The following ACYP2 variants were observed in gnomAD, a reference collection of about 807,000 sequenced individuals.
ACYP2 encodes the protein acylphosphatase 2.
In ACYP2, 12 loss-of-function variants were observed where a neutral mutation model predicts 11.2. That is an observed-to-expected ratio of 1.08 (90% CI 0.69 to 1.74). ACYP2 has a LOEUF of 1.74. Ranked by LOEUF, ACYP2 falls within the 40% of genes most tolerant of loss-of-function variation. The pLI is 0.00. For synonymous variants in ACYP2, 43 were observed against 32.2 expected (o/e 1.33, Z -1.13); for missense variants, 134 against 101.9 (o/e 1.31, Z -1.35).
intron 4 of ACYP2, among the ~76,000 whole-genome samples, chr2:54,129,496 T>C (rs1255744717): frequency 6.6e-6 from 1 of 152,004 alleles, no homozygotes; most frequent in Non-Finnish European, 1.5e-5. Flanking sequence ...AAGATTATGA[T>C]TGGCACTAAT....
intron 6 of ACYP2, among the ~76,000 whole-genome samples, chr2:54,209,168 G>C (rs1215149): frequency 0.24 from 35,757 of 151,594 alleles, 4,541 homozygotes; most frequent in South Asian, 0.38. Flanking sequence ...TTTCATTTTT[G>C]TGACCTATTG....
intron 4 of ACYP2, among the ~76,000 whole-genome samples, chr2:54,057,691 G>GTA (rs1402857280): frequency 6.6e-6 from 1 of 152,066 alleles, no homozygotes; most frequent in South Asian, 2.1e-4. Flanking sequence ...ATATATGTGT[G>GTA]TATATATATG....
chr2:54,098,726 C>CTT (rs34123335), intron 4 of ACYP2, among the ~76,000 whole-genome samples: 3 of 140,778 alleles, frequency 2.1e-5, no homozygotes, highest in East Asian at 2.1e-4. Flanking sequence ...GACAATGTCC[C>CTT]TTTTTTTTTT....
intron 6 of ACYP2, chr2:54,255,059 T>A (rs776931439): frequency 3.7e-6 from 6 of 1,614,004 alleles, no homozygotes; most frequent in Middle Eastern, 1.6e-4. Context: ...ATCTGAGCAA[T>A]CCTGTCGGAC....
chr2:54,138,739 T>TTTA lies in ACYP2; in HGVS notation c.395_396insTTA (p.Val132_Asn133insTyr). ...CAAGTGCAGGGGCCAGAAGACAAAG[T>TTTA]CAATTCCATGTGAGTAGTAAAATTA... On this transcript the variant is annotated inframe_insertion, in exon 6 of 7. Transcript: ENST00000607452. The TTTA allele has an allele frequency of 6.2e-7, 1 of 1,612,222 alleles. No individual in the cohort carries two copies. The highest frequency in any genetic ancestry group is 8.5e-7 in the Non-Finnish European group (1 of 1,179,332).
At chr2:54,203,793 C>T (rs940593768) in intron 6 of ACYP2, among the ~76,000 whole-genome samples, 12 of 143,970 alleles carry the variant, frequency 8.3e-5, no homozygotes, top group Non-Finnish European at 1.4e-4. Flanking sequence ...GAATACTCTT[C>T]TAATACCCCC....
intron 6 of ACYP2, among the ~76,000 whole-genome samples, chr2:54,185,128 A>G (rs934117781): frequency 2.0e-5 from 3 of 152,176 alleles, no homozygotes; most frequent in Non-Finnish European, 1.5e-5. Flanking sequence ...CATCCATTCT[A>G]TGCCAGGTCT....
chr2:54,219,670 G>A (rs2103946493), intron 6 of ACYP2, among the ~76,000 whole-genome samples: 1 of 151,994 alleles, frequency 6.6e-6, no homozygotes, highest in Admixed American at 6.6e-5. Flanking sequence ...CCAGGCTGGA[G>A]TGCAGTGAGG....
At chr2:54,209,790 T>C (rs1163068612) in intron 6 of ACYP2, among the ~76,000 whole-genome samples, 1 of 152,062 alleles carries the variant, frequency 6.6e-6, no homozygotes, top group Non-Finnish European at 1.5e-5. Flanking sequence ...AGCTTTGAAG[T>C]TGAGGAATAA....
At chr2:54,169,856 A>C (rs1235500515) in intron 6 of ACYP2, among the ~76,000 whole-genome samples, 1 of 152,194 alleles carries the variant, frequency 6.6e-6, no homozygotes, top group East Asian at 1.9e-4. Flanking sequence ...CCACTCCTCA[A>C]CAATAGTTTT....
At chr2:54,097,314 A>G (rs1678645350) in intron 4 of ACYP2, among the ~76,000 whole-genome samples, 1 of 152,196 alleles carries the variant, frequency 6.6e-6, no homozygotes, top group Non-Finnish European at 1.5e-5. Flanking sequence ...TGTGAGCTCC[A>G]TGAGGACAGG....
chr2:54,077,414 C>T (rs762769461), intron 4 of ACYP2, among the ~76,000 whole-genome samples: 1 of 152,142 alleles, frequency 6.6e-6, no homozygotes, highest in Non-Finnish European at 1.5e-5. Flanking sequence ...TATATAGGGA[C>T]TTATAAATGT....
At chr2:54,195,942 C>T (rs1684459666) in intron 6 of ACYP2, among the ~76,000 whole-genome samples, 1 of 151,604 alleles carries the variant, frequency 6.6e-6, no homozygotes, top group South Asian at 2.1e-4. Context: ...GGATTACAAG[C>T]GCCTGCCACC....
At chr2:54,059,511 G>A (rs962625980) in intron 4 of ACYP2, among the ~76,000 whole-genome samples, 21 of 151,996 alleles carry the variant, frequency 1.4e-4, no homozygotes, top group African/African-American at 3.9e-4. Context: ...CATGCACGGC[G>A]AGCATCTTAT....
chr2:54,028,598 C>G (rs11898855), intron 2 of ACYP2, among the ~76,000 whole-genome samples: 39,645 of 152,154 alleles, frequency 0.26, 5,847 homozygotes, highest in South Asian at 0.46. Flanking sequence ...AGACTGAAGT[C>G]TGTCAACACA....
chr2:54,081,519 C>G (rs897743320), intron 4 of ACYP2, among the ~76,000 whole-genome samples: 1 of 152,146 alleles, frequency 6.6e-6, no homozygotes, highest in Non-Finnish European at 1.5e-5. Context: ...AGGTTTGTAG[C>G]CCAGGAACAA....
At chr2:54,171,085 C>A (rs944591320) in intron 6 of ACYP2, among the ~76,000 whole-genome samples, 2 of 152,064 alleles carry the variant, frequency 1.3e-5, no homozygotes, top group Non-Finnish European at 2.9e-5. Context: ...GATCCTGGGC[C>A]GGGATCTCTG....
chr2:54,227,512 T>C (rs1686059313), intron 6 of ACYP2, among the ~76,000 whole-genome samples: 1 of 151,936 alleles, frequency 6.6e-6, no homozygotes, highest in South Asian at 2.1e-4. Context: ...TGGTGGCGCG[T>C]GCCTGTAGTC....
chr2:54,160,520 TTTC>T (rs1405256694), intron 6 of ACYP2, among the ~76,000 whole-genome samples: 1 of 152,216 alleles, frequency 6.6e-6, no homozygotes, highest in Non-Finnish European at 1.5e-5. Context: ...TGTCTGTCCT[TTTC>T]TTCTTTGAAT....
Sources: gnomAD v4.1 joint callset for allele counts (sites outside exome capture counted in the v4.1 genomes callset) on GRCh38, gnomAD v4.1.1 for gene constraint, MANE v1.5 for transcripts, NCBI Gene and HGNC (gene_info 2026-07-23, HGNC 2026-07-21) for gene names.